CLEC2A: variants seen among roughly 807,000 people sequenced by gnomAD.
CLEC2A encodes the protein keratinocyte-associated C-type lectin.
Under a neutral mutation model 18.6 loss-of-function variants are expected in CLEC2A, and 19 were observed. The ratio of observed to expected loss-of-function variants is 1.02; its 90% CI spans 0.71 to 1.50. The LOEUF (loss-of-function observed/expected upper bound fraction) is 1.50, where lower values mean the gene tolerates loss of function less well. Among genes scored for constraint, CLEC2A ranks in the 40% most tolerant of loss-of-function variants. The pLI is 0.00. For missense variants in CLEC2A, 190 were observed against 207.9 expected (o/e 0.91, Z 0.53); for synonymous variants, 74 against 64.0 (o/e 1.16, Z -0.75).
intron 1 of CLEC2A, among the ~76,000 whole-genome samples, chr12:9,931,360 T>C (rs1863372559): frequency 6.6e-6 from 1 of 152,202 alleles, no homozygotes; most frequent in Non-Finnish European, 1.5e-5. Flanking sequence ...ATAGTTAGAA[T>C]ATACAACGAA....
the CLEC2A span, chr12:9,893,368 A>C: frequency 1.1e-6 from 1 of 882,670 alleles, no homozygotes; most frequent in Non-Finnish European, 1.7e-6. Flanking sequence ...GACTTACACT[A>C]TAGAAGGCAT....
At chr12:9,892,134 A>G in the CLEC2A span, among the ~76,000 whole-genome samples, 1 of 152,294 alleles carries the variant, frequency 6.6e-6, no homozygotes, top group Non-Finnish European at 1.5e-5. Context: ...TATGATATCT[A>G]TGTGTTGAGT....
chr12:9,878,014 AT>A, the CLEC2A span, among the ~76,000 whole-genome samples: 1 of 152,182 alleles, frequency 6.6e-6, no homozygotes, highest in African/African-American at 2.4e-5. Context: ...AGCCTATCAG[AT>A]TAAAAATGTG....
At chr12:9,888,467 G>A in the CLEC2A span, among the ~76,000 whole-genome samples, 57 of 151,648 alleles carry the variant, frequency 3.8e-4, 1 homozygote, top group South Asian at 0.011. Context: ...TGCAGCCTGG[G>A]CAACAGAGTG....
At position 9,899,527 on chromosome 12, in the gene CLEC2A, G is replaced by T. The variant is rs534650767; in HGVS notation, c.411-551C>A. On this transcript the variant is annotated intron_variant, in intron 4 of 4. Coordinates refer to the CLEC2A transcript ENST00000339766. ...TGTCCCTGACTCCCTTCTCTTCCTAGCAGATACCCAGGGTATGTGAGGGAG... is the reference window on the plus strand; with the variant it reads ...TGTCCCTGACTCCCTTCTCTTCCTATCAGATACCCAGGGTATGTGAGGGAG... Among the ~76,000 whole-genome samples, 5 of 152,278 alleles carry T rather than the reference G, an allele frequency of 3.3e-5. No individual in the cohort carries two copies. The South Asian group carries it at 8.3e-4, about 25-fold the overall frequency.
the CLEC2A span, chr12:9,888,796 T>G: frequency 1.4e-6 from 2 of 1,460,396 alleles, no homozygotes; most frequent in Non-Finnish European, 1.9e-6. Flanking sequence ...ACTCTTTTTG[T>G]TTGTTATGTG....
At chr12:9,916,418 G>A (rs1863071851) in intron 4 of CLEC2A, among the ~76,000 whole-genome samples, 4 of 151,984 alleles carry the variant, frequency 2.6e-5, no homozygotes, top group Admixed American at 6.6e-5. Flanking sequence ...ATTAGCAAAA[G>A]AGAACTAATT....
At chr12:9,914,985 C>T (rs1400020795) in intron 4 of CLEC2A, among the ~76,000 whole-genome samples, 1 of 151,742 alleles carries the variant, frequency 6.6e-6, no homozygotes, top group Non-Finnish European at 1.5e-5. Context: ...TATCCAGGAT[C>T]TACAAGGAAC....
At chr12:9,916,523 G>T (rs1863073361) in intron 4 of CLEC2A, among the ~76,000 whole-genome samples, 177 bp downstream of exon 4, 2 of 152,134 alleles carry the variant, frequency 1.3e-5, no homozygotes, top group Non-Finnish European at 1.5e-5. Context: ...AGAAGAAAAT[G>T]GGTTGCTCTA....
At chr12:9,886,640 T>A in the CLEC2A span, among the ~76,000 whole-genome samples, 1 of 152,146 alleles carries the variant, frequency 6.6e-6, no homozygotes, top group Admixed American at 6.5e-5. Context: ...AAAATAACTT[T>A]TGAAAGCCAA....
intron 1 of CLEC2A, among the ~76,000 whole-genome samples, chr12:9,930,630 T>A (rs924310476): frequency 6.6e-6 from 1 of 152,038 alleles, no homozygotes; most frequent in Non-Finnish European, 1.5e-5. Flanking sequence ...TTTTTTCTTA[T>A]CTATTTTGTT....
chr12:9,908,087 G>A (rs567251890), intron 4 of CLEC2A, among the ~76,000 whole-genome samples: 9 of 152,288 alleles, frequency 5.9e-5, no homozygotes, highest in East Asian at 3.9e-4. Context: ...CTTGAATGAC[G>A]CTTTAAATTA....
intron 1 of CLEC2A, 51 bp from the exon 2 acceptor site, chr12:9,926,394 C>T (rs1353454950): frequency 5.4e-6 from 6 of 1,102,408 alleles, no homozygotes; most frequent in Admixed American, 2.0e-5. Context: ...AACACTGACT[C>T]GATATTATTA....
chr12:9,906,949 G>T (rs1026351883), intron 4 of CLEC2A, among the ~76,000 whole-genome samples: 1 of 152,138 alleles, frequency 6.6e-6, no homozygotes, highest in African/African-American at 2.4e-5. Context: ...GAATAGCTTC[G>T]CATTTTAAGA....
chr12:9,920,600 G>C (rs1213795817), intron 3 of CLEC2A, among the ~76,000 whole-genome samples: 1 of 152,004 alleles, frequency 6.6e-6, no homozygotes, highest in East Asian at 1.9e-4. Flanking sequence ...GTTCCATTGC[G>C]TGTACCCTGG....
downstream of CLEC2A, among the ~76,000 whole-genome samples, chr12:9,912,876 T>C (rs542219182): frequency 2.0e-4 from 30 of 152,212 alleles, no homozygotes; most frequent in Non-Finnish European, 4.3e-4. Context: ...TTTCACACTG[T>C]AATCAAGATA....
chr12:9,888,798 T>C, the CLEC2A span: 8 of 1,443,046 alleles, frequency 5.5e-6, no homozygotes, highest in Admixed American at 1.4e-4. Flanking sequence ...TCTTTTTGTT[T>C]GTTATGTGCT....
At chr12:9,892,277 A>G in the CLEC2A span, among the ~76,000 whole-genome samples, 1 of 152,218 alleles carries the variant, frequency 6.6e-6, no homozygotes, top group Non-Finnish European at 1.5e-5. Context: ...GTATGAACGA[A>G]AAGCACAGGA....
intron 4 of CLEC2A, among the ~76,000 whole-genome samples, chr12:9,904,328 G>T (rs756026671): frequency 1.8e-4 from 27 of 152,296 alleles, no homozygotes; most frequent in Non-Finnish European, 3.2e-4. Context: ...TGGTCGGCTG[G>T]AGGACCATAC....
Sources: allele counts gnomAD v4.1 joint callset (sites outside exome capture counted in the v4.1 genomes callset), GRCh38; gene constraint gnomAD v4.1.1; transcripts MANE v1.5; gene names NCBI Gene and HGNC (gene_info 2026-07-23, HGNC 2026-07-21).